Variants in DAB1 observed in about 807,000 individuals in gnomAD.
DAB1 encodes disabled homolog 1.
In DAB1, 15 loss-of-function variants were observed where a neutral mutation model predicts 64.6. The observed-to-expected ratio is 0.23, with a 90% CI of 0.16 to 0.36. DAB1 has a LOEUF of 0.36. DAB1 is among the 10% of genes least tolerant of loss of function. DAB1 has a pLI of 1.00. For missense variants in DAB1, 596 were observed against 706.7 expected, an observed-to-expected ratio of 0.84 and a Z score of 1.78; for synonymous variants, 235 against 251.9, an observed-to-expected ratio of 0.93 and a Z score of 0.64.
rs112384815 is a variant in DAB1 at position 57,759,193 on chromosome 1, C to G, written n.552-109528G>C. 3.9e-3 allele frequency among the ~76,000 whole-genome samples: 588 copies of G among 152,220 alleles called. 4 individuals are homozygous for G. Among genetic ancestry groups the G allele is most frequent in the African/African-American group, 0.014 (564 of 41,542 alleles). On this transcript the variant is annotated intron_variant and non_coding_transcript_variant, in intron 6 of 20. Transcript: ENST00000485760. ...TCATATTTCTTCCATTTTGTCAATT[C>G]CAGGGGTCACTGCATGGCCCAATAG... is the stretch of plus-strand genomic sequence containing the variant.
At chr1:57,914,917 A>G (rs532056160) in intron 5 of DAB1, among the ~76,000 whole-genome samples, 41 of 152,300 alleles carry the variant, frequency 2.7e-4, no homozygotes, top group Middle Eastern at 3.4e-3. Context: ...TGATTTTAGC[A>G]CCCTAACTCT....
intron 7 of DAB1, among the ~76,000 whole-genome samples, chr1:57,556,328 CTT>C (rs1475100599): frequency 6.6e-6 from 1 of 152,124 alleles, no homozygotes; most frequent in Non-Finnish European, 1.5e-5. Context: ...GGTGGTTCTA[CTT>C]TTAGTTCTTT....
chr1:58,388,972 T>C (rs142015804), intron 3 of DAB1, among the ~76,000 whole-genome samples: 1 of 152,192 alleles, frequency 6.6e-6, no homozygotes, highest in Non-Finnish European at 1.5e-5. Flanking sequence ...GAGTTCCGAA[T>C]GAAAAAGACA....
At chr1:57,303,003 T>G (rs1250596132) in intron 1 of DAB1, among the ~76,000 whole-genome samples, 1 of 152,198 alleles carries the variant, frequency 6.6e-6, no homozygotes, top group Non-Finnish European at 1.5e-5. Flanking sequence ...AATGTTTATC[T>G]CACAGTGGTA....
chr1:57,707,791 T>C (rs1015889540), intron 6 of DAB1, among the ~76,000 whole-genome samples: 5 of 152,226 alleles, frequency 3.3e-5, no homozygotes, highest in African/African-American at 1.2e-4. Context: ...TTGAGGGTTG[T>C]GACCTAAGCC....
At chr1:57,081,108 C>T (rs1271667765) in intron 4 of DAB1, among the ~76,000 whole-genome samples, 1 of 152,148 alleles carries the variant, frequency 6.6e-6, no homozygotes, top group African/African-American at 2.4e-5. Flanking sequence ...AAGGCATGTA[C>T]TGTATATAGA....
intron 5 of DAB1, among the ~76,000 whole-genome samples, chr1:57,936,860 G>C (rs976973425): frequency 6.6e-6 from 1 of 152,048 alleles, no homozygotes; most frequent in African/African-American, 2.4e-5. Context: ...GTCTTGCTGA[G>C]CCATCCAATT....
At chr1:58,193,193 T>A (rs1657484209) in intron 4 of DAB1, among the ~76,000 whole-genome samples, 2 of 152,156 alleles carry the variant, frequency 1.3e-5, no homozygotes, top group Admixed American at 1.3e-4. Context: ...TGAGTAAGTC[T>A]CACTGTTTCA....
intron 2 of DAB1, among the ~76,000 whole-genome samples, chr1:57,209,988 A>AAG (rs1665875842): frequency 6.6e-6 from 1 of 152,264 alleles, no homozygotes; most frequent in African/African-American, 2.4e-5. Context: ...AGCTTCTTAC[A>AAG]AACTGTGTGA....
At chr1:57,439,434 T>TTTTTTTGTTTTTTTTTTTTTTTTTG (rs1558381571) in intron 7 of DAB1, among the ~76,000 whole-genome samples, 1 of 133,316 alleles carries the variant, frequency 7.5e-6, no homozygotes, top group Non-Finnish European at 1.6e-5. Flanking sequence ...TCTTTTTTTT[T>TTTTTTTGTTTTTTTTTTTTTTTTTG]TTTTTTTTTT....
chr1:58,137,056 G>A (rs959703397), intron 5 of DAB1, among the ~76,000 whole-genome samples: 1 of 151,794 alleles, frequency 6.6e-6, no homozygotes, highest in Non-Finnish European at 1.5e-5. Context: ...ACTGAGTCAG[G>A]AAGTGTGTGT....
chr1:57,043,811 C>G (rs942546408), intron 9 of DAB1, among the ~76,000 whole-genome samples: 1 of 151,886 alleles, frequency 6.6e-6, no homozygotes, highest in Non-Finnish European at 1.5e-5. Flanking sequence ...TGCACCACTC[C>G]ACTCCAGCCT....
chr1:57,805,738 A>G (rs1406678692), intron 6 of DAB1, among the ~76,000 whole-genome samples: 4 of 152,144 alleles, frequency 2.6e-5, no homozygotes, highest in African/African-American at 9.7e-5. Flanking sequence ...ATATTTCCTT[A>G]AACCTGGAGC....
intron 1 of DAB1, among the ~76,000 whole-genome samples, chr1:57,296,521 T>C (rs1158756117): frequency 6.6e-6 from 1 of 152,128 alleles, no homozygotes; most frequent in East Asian, 1.9e-4. Flanking sequence ...CTGAAATATC[T>C]TGTTATTCCA....
At chr1:57,171,544 A>G (rs555303266) in intron 2 of DAB1, among the ~76,000 whole-genome samples, 82 of 152,334 alleles carry the variant, frequency 5.4e-4, no homozygotes, top group Middle Eastern at 3.4e-3. Context: ...CGACATGTTT[A>G]TATCTGCTGT....
chr1:57,050,456 C>T (rs1482827564), intron 9 of DAB1, among the ~76,000 whole-genome samples: 2 of 152,220 alleles, frequency 1.3e-5, no homozygotes, highest in Non-Finnish European at 2.9e-5. Flanking sequence ...CCCATGGAGG[C>T]ACCCTATGGT....
chr1:57,932,688 T>C (rs1308404545), intron 5 of DAB1, among the ~76,000 whole-genome samples: 1 of 152,152 alleles, frequency 6.6e-6, no homozygotes, highest in Non-Finnish European at 1.5e-5. Context: ...TATTATGTAA[T>C]GACCCACTTT....
chr1:58,509,858 C>G (rs1262213978), intron 2 of DAB1, among the ~76,000 whole-genome samples: 1 of 152,000 alleles, frequency 6.6e-6, no homozygotes, highest in Admixed American at 6.6e-5. Flanking sequence ...AGAGACTACT[C>G]TGAACAATTA....
intron 3 of DAB1, among the ~76,000 whole-genome samples, chr1:58,464,792 G>A (rs1207912422): frequency 6.6e-6 from 1 of 152,148 alleles, no homozygotes; most frequent in African/African-American, 2.4e-5. Context: ...CAGGGTGATG[G>A]GCAAGGCTAA....
Sources: gnomAD v4.1 joint callset for allele counts (sites outside exome capture counted in the v4.1 genomes callset) on GRCh38, gnomAD v4.1.1 for gene constraint, MANE v1.5 for transcripts, NCBI Gene and HGNC (gene_info 2026-07-23, HGNC 2026-07-21) for gene names.